LRRTM4: variants seen among roughly 807,000 people sequenced by gnomAD.
LRRTM4 encodes leucine rich repeat transmembrane neuronal 4, also known as leucine-rich repeat transmembrane neuronal protein 4.
Under a neutral mutation model 47.6 loss-of-function variants are expected in LRRTM4, and 25 were observed. That is an observed-to-expected ratio of 0.53 (90% CI 0.38 to 0.73). The LOEUF (loss-of-function observed/expected upper bound fraction) is 0.73. LRRTM4 is among the 30% of genes least tolerant of loss of function. The pLI is 0.00. For synonymous variants in LRRTM4, 311 were observed against 269.5 expected (o/e 1.15, Z -1.51); for missense variants, 638 against 713.4 (o/e 0.89, Z 1.20).
chr2:76,997,205 A>C (rs10205987), intron 3 of LRRTM4, among the ~76,000 whole-genome samples: 25,326 of 152,074 alleles, frequency 0.17, 2,239 homozygotes, highest in African/African-American at 0.18. Flanking sequence ...TCAAATATTT[A>C]TATCTCTTTG....
chr2:77,092,405 G>C (rs1422955199), intron 3 of LRRTM4, among the ~76,000 whole-genome samples: 1 of 149,884 alleles, frequency 6.7e-6, no homozygotes, highest in Non-Finnish European at 1.5e-5. Context: ...AGCAAAGGCA[G>C]GTTATGCTAT....
intron 3 of LRRTM4, among the ~76,000 whole-genome samples, chr2:77,135,518 T>C (rs1362582212): frequency 6.6e-6 from 1 of 152,228 alleles, no homozygotes; most frequent in African/African-American, 2.4e-5. Context: ...GTGACAGTGC[T>C]ATGTATACAA....
intron 3 of LRRTM4, among the ~76,000 whole-genome samples, chr2:77,409,020 C>T (rs1674319288): frequency 6.6e-6 from 1 of 152,118 alleles, no homozygotes; most frequent in Non-Finnish European, 1.5e-5. Context: ...ATGCAAGTAA[C>T]ATTCTTCCAC....
intron 3 of LRRTM4, among the ~76,000 whole-genome samples, chr2:77,033,035 A>G (rs907577966): frequency 6.6e-6 from 1 of 152,084 alleles, no homozygotes; most frequent in Non-Finnish European, 1.5e-5. Context: ...AGAAAGAAAT[A>G]TCTCTCGGGA....
At chr2:77,030,701 G>A (rs939024371) in intron 3 of LRRTM4, among the ~76,000 whole-genome samples, 15 of 152,064 alleles carry the variant, frequency 9.9e-5, no homozygotes, top group Non-Finnish European at 1.9e-4. Flanking sequence ...ACTTAGATGA[G>A]TCAAATACCA....
chr2:77,005,745 G>T (rs1398889113), intron 3 of LRRTM4, among the ~76,000 whole-genome samples: 2 of 152,124 alleles, frequency 1.3e-5, no homozygotes, highest in African/African-American at 4.8e-5. Context: ...CGCAGTGATT[G>T]CGAGGCCTCT....
chr2:77,517,183 T>C, intron 3 of LRRTM4: 2 of 985,126 alleles, frequency 2.0e-6, no homozygotes, highest in Non-Finnish European at 2.4e-6. Flanking sequence ...AATTTGTGAC[T>C]ATTTGTCTGC....
At chr2:76,911,773 TAC>T (rs1332634065) in intron 3 of LRRTM4, among the ~76,000 whole-genome samples, 2 of 152,058 alleles carry the variant, frequency 1.3e-5, no homozygotes, top group African/African-American at 4.8e-5. Flanking sequence ...ACATGTAATA[TAC>T]ACACTGAAGG....
chr2:77,087,623 G>T (rs1248573278), intron 3 of LRRTM4, among the ~76,000 whole-genome samples: 3 of 152,144 alleles, frequency 2.0e-5, no homozygotes, highest in South Asian at 2.1e-4. Context: ...CCATCAGTGA[G>T]AATTATCAGG....
intron 3 of LRRTM4, among the ~76,000 whole-genome samples, chr2:77,502,366 G>C (rs1678601450): frequency 6.6e-6 from 1 of 151,166 alleles, no homozygotes; most frequent in Non-Finnish European, 1.5e-5. Context: ...ATGAACAAAA[G>C]TATGAGAGAA....
intron 3 of LRRTM4, among the ~76,000 whole-genome samples, chr2:76,774,191 T>A (rs866436197): frequency 5.5e-4 from 83 of 150,230 alleles, no homozygotes; most frequent in African/African-American, 1.9e-3. Context: ...TTTTTTTTTT[T>A]ATTTTTAGTT....
At chr2:77,227,313 T>C (rs541403050) in intron 3 of LRRTM4, among the ~76,000 whole-genome samples, 77 of 152,240 alleles carry the variant, frequency 5.1e-4, no homozygotes, top group African/African-American at 1.8e-3. Context: ...CAATGGGTTT[T>C]GCTGAGTGAA....
chr2:76,896,557 T>C (rs778350673), intron 3 of LRRTM4, among the ~76,000 whole-genome samples: 2 of 151,970 alleles, frequency 1.3e-5, no homozygotes, highest in African/African-American at 2.4e-5. Context: ...TATGCTAGAA[T>C]TGACAAAAGT....
At chr2:76,939,834 A>T (rs1463809615) in intron 3 of LRRTM4, among the ~76,000 whole-genome samples, 1 of 152,166 alleles carries the variant, frequency 6.6e-6, no homozygotes, top group East Asian at 1.9e-4. Flanking sequence ...TTCTCAGGAA[A>T]TTTTGAAAAA....
chr2:77,357,642 T>C (rs559656669), intron 3 of LRRTM4, among the ~76,000 whole-genome samples: 1 of 152,312 alleles, frequency 6.6e-6, no homozygotes, highest in East Asian at 1.9e-4. Context: ...TTAAAAGACA[T>C]GGTGTCATCA....
At chr2:77,183,052 A>G (rs1673393411) in intron 3 of LRRTM4, among the ~76,000 whole-genome samples, 1 of 152,246 alleles carries the variant, frequency 6.6e-6, no homozygotes, top group African/African-American at 2.4e-5. Flanking sequence ...AAACGCCAAA[A>G]GCAATGGCAA....
chr2:77,011,803 C>A (rs549396980), intron 3 of LRRTM4, among the ~76,000 whole-genome samples: 1 of 151,904 alleles, frequency 6.6e-6, no homozygotes, highest in African/African-American at 2.4e-5. Context: ...AGTCGTTTCT[C>A]CCTTTACACA....
At chr2:76,878,357 C>T (rs1445287814) in intron 3 of LRRTM4, among the ~76,000 whole-genome samples, 1 of 152,044 alleles carries the variant, frequency 6.6e-6, no homozygotes, top group African/African-American at 2.4e-5. Flanking sequence ...ATTAATAACC[C>T]TATAATGTCC....
intron 3 of LRRTM4, among the ~76,000 whole-genome samples, chr2:76,769,926 A>G (rs1383885445): frequency 6.6e-6 from 1 of 152,226 alleles, no homozygotes; most frequent in East Asian, 1.9e-4. Context: ...AATAGCATCA[A>G]CTATAAACTT....
Sources: allele counts gnomAD v4.1 joint callset (sites outside exome capture counted in the v4.1 genomes callset), GRCh38; gene constraint gnomAD v4.1.1; transcripts MANE v1.5; gene names NCBI Gene and HGNC (gene_info 2026-07-23, HGNC 2026-07-21).